SLC25A17: variants seen among roughly 807,000 people sequenced by gnomAD.
SLC25A17 encodes solute carrier family 25 member 17, also known as peroxisomal membrane protein PMP34.
A neutral mutation model predicts 38.5 loss-of-function variants in SLC25A17; 26 were observed. That is an observed-to-expected ratio of 0.68 (90% confidence interval 0.50 to 0.94). The LOEUF is 0.94. Ranked by LOEUF, SLC25A17 falls within the 40% of genes least tolerant of loss-of-function variation. SLC25A17 has a pLI of 0.00. For synonymous variants in SLC25A17, 139 were observed against 136.2 expected (o/e 1.02, Z -0.14); for missense variants, 333 against 372.7 (o/e 0.89, Z 0.88).
At chr22:40,812,770 G>C (rs973023939) in intron 1 of SLC25A17, among the ~76,000 whole-genome samples, 1 of 151,856 alleles carries the variant, frequency 6.6e-6, no homozygotes, top group African/African-American at 2.4e-5. Flanking sequence ...CACTTTAGGA[G>C]GTGGGAGAAT....
At chr22:40,801,995 T>C (rs1354080224) in intron 1 of SLC25A17, among the ~76,000 whole-genome samples, 5 of 152,138 alleles carry the variant, frequency 3.3e-5, no homozygotes, top group Non-Finnish European at 7.3e-5. Context: ...TTTCATCATG[T>C]TGGCCAGGCT....
At chr22:40,774,457 C>G (rs753850163) in intron 7 of SLC25A17, among the ~76,000 whole-genome samples, 1 of 152,198 alleles carries the variant, frequency 6.6e-6, no homozygotes, top group Admixed American at 6.5e-5. Context: ...TTCCTGACCT[C>G]AAATGATCCA....
intron 8 of SLC25A17, among the ~76,000 whole-genome samples, chr22:40,771,874 C>T (rs2057187005): frequency 6.6e-6 from 1 of 151,966 alleles, no homozygotes; most frequent in Admixed American, 6.6e-5. Flanking sequence ...CTGTTTGTAA[C>T]AAAAAGAATA....
chr22:40,782,417 T>A (rs2057303473), intron 4 of SLC25A17, among the ~76,000 whole-genome samples: 1 of 152,162 alleles, frequency 6.6e-6, no homozygotes, highest in South Asian at 2.1e-4. Context: ...CAAGAAAGAA[T>A]AAACCAAAAT....
At chr22:40,779,323 G>C (rs1428851036) in intron 4 of SLC25A17, 198 bp from the exon 5 acceptor site, 1 of 1,411,518 alleles carries the variant, frequency 7.1e-7, no homozygotes, top group Admixed American at 2.8e-5. Context: ...TTTGCTGATA[G>C]CAAAATGGCT....
intron 2 of SLC25A17, among the ~76,000 whole-genome samples, chr22:40,796,473 T>C (rs1279958416): frequency 1.3e-5 from 2 of 151,822 alleles, no homozygotes; most frequent in African/African-American, 4.8e-5. Context: ...ACCCCATCTC[T>C]ACTAAAAATA....
At chr22:40,813,402 G>C (rs953085480) in intron 1 of SLC25A17, among the ~76,000 whole-genome samples, 1 of 152,106 alleles carries the variant, frequency 6.6e-6, no homozygotes, top group African/African-American at 2.4e-5. Context: ...GCCAGGAGTG[G>C]TGGCACACAC....
chr22:40,776,265 T>A, intron 7 of SLC25A17: 1 of 467,376 alleles, frequency 2.1e-6, no homozygotes, highest in Non-Finnish European at 4.4e-6. Flanking sequence ...GCCCAGGTCC[T>A]CCCACAGTGT....
chr22:40,792,571 A>T lies in SLC25A17; in HGVS notation c.288T>A (p.Gly96=). ...FNSLKALWVK[G]QHSTTGKDLV... ...GATCTTTTCCAGTGGTAGAATGTTG[A>T]CCTTTGACCCAGAGTGCTTTGAGGC... The change falls in exon 4 of 9, where the codon GGT becomes GGA. Residue 96 remains glycine (G), a synonymous_variant. Transcript: ENST00000435456. 6.2e-7 allele frequency: 1 copy of T among 1,613,996 alleles called. No individual in the cohort carries two copies. Among genetic ancestry groups the T allele is most frequent in the Non-Finnish European group, 8.5e-7 (1 of 1,179,920 alleles).
intron 1 of SLC25A17, among the ~76,000 whole-genome samples, chr22:40,817,888 G>A (rs1292272446): frequency 2.6e-5 from 4 of 152,138 alleles, no homozygotes; most frequent in Non-Finnish European, 5.9e-5. Flanking sequence ...AGCAAGTCAC[G>A]CAAGCGTCCA....
intron 3 of SLC25A17, 38 bp from the exon 4 acceptor site, chr22:40,792,714 G>C (rs2057395321): frequency 1.2e-6 from 2 of 1,603,930 alleles, no homozygotes; most frequent in African/African-American, 2.7e-5. Context: ...AAAGGTCATG[G>C]ACAAATTAGA....
chr22:40,794,039 AAAAC>A (rs755998252), intron 3 of SLC25A17, among the ~76,000 whole-genome samples: 5 of 152,322 alleles, frequency 3.3e-5, no homozygotes, highest in African/African-American at 1.2e-4. Context: ...CAAAAATAGT[AAAAC>A]AAACAGGAAA....
chr22:40,815,924 C>G lies in SLC25A17; in HGVS notation c.54+3271G>C, dbSNP rs373730662. On this transcript the variant is annotated intron_variant, in intron 1 of 8. Transcript: ENST00000435456. Reference sequence around the variant, plus strand: ...ATTCCAGGCCAGGCGCAGTGGCTCACGCCTGTAATCCCAGCACTTTGGGAG... The same window carrying G: ...ATTCCAGGCCAGGCGCAGTGGCTCAGGCCTGTAATCCCAGCACTTTGGGAG... 1.2e-4 allele frequency among the ~76,000 whole-genome samples: 18 copies of G among 152,310 alleles called. No individual in the cohort carries two copies. In the East Asian group the frequency reaches 1.9e-3, roughly 16 times the overall value.
chr22:40,785,804 GTT>G (rs774433769), intron 4 of SLC25A17, among the ~76,000 whole-genome samples: 1 of 148,164 alleles, frequency 6.7e-6, no homozygotes, highest in Non-Finnish European at 1.5e-5. Context: ...CTGCTAATTG[GTT>G]TTTTTTTTTG....
intron 1 of SLC25A17, among the ~76,000 whole-genome samples, chr22:40,816,887 A>G (rs2057646706): frequency 6.6e-6 from 1 of 152,178 alleles, no homozygotes; most frequent in Admixed American, 6.5e-5. Flanking sequence ...CTGGGATTAC[A>G]GGCGTGAGCC....
chr22:40,792,410 G>A, intron 4 of SLC25A17, 115 bp downstream of exon 4: 46 of 780,250 alleles, frequency 5.9e-5, no homozygotes, highest in South Asian at 2.6e-4. Context: ...AAAAAACCAA[G>A]TTGGAAAACT....
intron 5 of SLC25A17, among the ~76,000 whole-genome samples, chr22:40,777,648 G>A (rs577428144): frequency 5.3e-5 from 8 of 152,124 alleles, no homozygotes; most frequent in South Asian, 2.1e-4. Context: ...TAGGTGTGGC[G>A]GTGCATACCT....
intron 7 of SLC25A17, 131 bp downstream of exon 7, chr22:40,776,909 A>G (rs2057248855): frequency 2.5e-6 from 2 of 808,052 alleles, no homozygotes; most frequent in South Asian, 1.8e-5. Flanking sequence ...AAGAAAAGAA[A>G]AAAAACAGAT....
intron 1 of SLC25A17, among the ~76,000 whole-genome samples, chr22:40,806,135 T>C (rs1187993708): frequency 6.6e-6 from 1 of 152,126 alleles, no homozygotes. Context: ...CCCATTCCAC[T>C]TTTTTGCTAC....
Sources: allele counts gnomAD v4.1 joint callset (sites outside exome capture counted in the v4.1 genomes callset), GRCh38; gene constraint gnomAD v4.1.1; transcripts MANE v1.5; gene names NCBI Gene and HGNC (gene_info 2026-07-23, HGNC 2026-07-21).